KCNG2: variants seen among roughly 807,000 people sequenced by gnomAD.
The protein encoded by KCNG2 is potassium voltage-gated channel modifier subfamily G member 2.
KCNG2 carries 7 observed loss-of-function variants against 12.3 expected under a neutral mutation model. The ratio of observed to expected loss-of-function variants is 0.57; its 90% CI spans 0.32 to 1.07. KCNG2 has a LOEUF of 1.07. Ranked by LOEUF, KCNG2 falls within the 50% of genes least tolerant of loss-of-function variation. KCNG2 has a pLI of 0.04. For synonymous variants in KCNG2, 414 were observed against 351.4 expected (o/e 1.18, Z -1.99); for missense variants, 703 against 726.0 (o/e 0.97, Z 0.36).
chr18:79,860,789 T>A (rs12963180), intron 2 of KCNG2, among the ~76,000 whole-genome samples: 1 of 152,100 alleles, frequency 6.6e-6, no homozygotes, highest in Non-Finnish European at 1.5e-5. Flanking sequence ...CTTTTGAGTG[T>A]GGATGCCTTT....
At chr18:79,838,054 C>T (rs1352835907) in intron 1 of KCNG2, among the ~76,000 whole-genome samples, 8 of 152,068 alleles carry the variant, frequency 5.3e-5, no homozygotes, top group South Asian at 2.1e-4. Context: ...CAGGAGAAAG[C>T]GAGAGTGAGT....
chr18:79,815,988 T>C (rs2087525161), intron 1 of KCNG2: 1 of 152,254 alleles, frequency 6.6e-6, no homozygotes, highest in Non-Finnish European at 1.5e-5. Flanking sequence ...TGGCTGTTTC[T>C]GGTGGTGGGA....
intron 1 of KCNG2, among the ~76,000 whole-genome samples, chr18:79,846,378 A>G (rs894491688): frequency 1.3e-5 from 2 of 150,720 alleles, no homozygotes; most frequent in South Asian, 2.1e-4. Flanking sequence ...CCGTCTCAAA[A>G]AAAAAAAAAA....
In KCNG2 at chr18:79,803,723, C is replaced by T. The variant is rs913381532; in HGVS notation, c.-115+5709C>T. 1.3e-5 allele frequency among the ~76,000 whole-genome samples: 2 copies of T among 152,228 alleles called. No individual in the cohort carries two copies. Among genetic ancestry groups the T allele is most frequent in the African/African-American group, 4.8e-5 (2 of 41,462 alleles). On this transcript the variant is annotated intron_variant, in intron 1 of 3. Coordinates refer to ENST00000316249, the MANE Select transcript of KCNG2 (RefSeq NM_012283.2). The surrounding 1 kb of genome is among the most constrained non-coding windows in gnomAD (Gnocchi z 4.5). ...GAGCCTGCCCTCCTGTCCAGGAGCC[C>T]TCACAGCTCAGCCGGGGCCCTCCTG...
intron 3 of KCNG2, among the ~76,000 whole-genome samples, chr18:79,888,899 G>A (rs539868587): frequency 5.3e-5 from 8 of 151,978 alleles, no homozygotes; most frequent in East Asian, 3.9e-4. Context: ...GGCTGGTCTC[G>A]AACTCCTGAC....
chr18:79,866,402 C>G (rs1190414870), intron 3 of KCNG2, among the ~76,000 whole-genome samples: 1 of 84,180 alleles, frequency 1.2e-5, no homozygotes, highest in Non-Finnish European at 2.3e-5. Flanking sequence ...GGTCTGGGTG[C>G]TGAGGTCTGG....
chr18:79,872,136 A>G (rs1050068751), intron 3 of KCNG2, among the ~76,000 whole-genome samples: 1 of 151,904 alleles, frequency 6.6e-6, no homozygotes, highest in Admixed American at 6.6e-5. Context: ...CAGGGGAGGA[A>G]GATAACAGGC....
At chr18:79,887,655 C>T (rs1980577814) in intron 3 of KCNG2, among the ~76,000 whole-genome samples, 1 of 152,220 alleles carries the variant, frequency 6.6e-6, no homozygotes, top group African/African-American at 2.4e-5. Context: ...GTCCCGAGGG[C>T]TCACAGCCCC....
rs553783666 is a variant in KCNG2 at position 79,885,691 on chromosome 18, C to G, written c.625-13349C>G. ...CCTGGCTTCAGTCCTGGGTGTGCAA[C>G]CCAGTGACCTGCCCAGGGGACATGG... On this transcript the variant is annotated intron_variant, in intron 3 of 3. Coordinates refer to ENST00000316249, the MANE Select transcript of KCNG2 (RefSeq NM_012283.2). 3.2e-4 allele frequency among the ~76,000 whole-genome samples: 49 copies of G among 152,358 alleles called. 1 individual carries two copies. The highest frequency in any genetic ancestry group is 1.6e-3 in the Admixed American group (24 of 15,306).
intron 1 of KCNG2, among the ~76,000 whole-genome samples, chr18:79,842,678 A>G (rs920576589): frequency 2.6e-5 from 4 of 152,380 alleles, no homozygotes; most frequent in Admixed American, 1.3e-4. Flanking sequence ...AAGCATAAAA[A>G]AGACCCAAAC....
At position 79,822,518 on chromosome 18, in the gene KCNG2, C is replaced by T. The variant is rs889456123; in HGVS notation, c.-115+24504C>T. Among the ~76,000 whole-genome samples the T allele has an allele frequency of 1.1e-4, 16 of 152,190 alleles. No individual in the cohort carries two copies. The highest frequency in any genetic ancestry group is 3.9e-4 in the Admixed American group (6 of 15,282). On this transcript the variant is annotated intron_variant, in intron 1 of 3. Coordinates refer to ENST00000316249, the MANE Select transcript of KCNG2 (RefSeq NM_012283.2). This position sits in a 1 kb window ranked among gnomAD's most constrained non-coding sequence, Gnocchi z 4.4. ...GTAGTGTTGCAGTCATGGCTCCCTG[C>T]AGCCTCAGCCTCCAGGGCTCAAGCA... is the stretch of plus-strand genomic sequence containing the variant.
chr18:79,798,465 G>A (rs1025581292), intron 1 of KCNG2, among the ~76,000 whole-genome samples: 3 of 152,154 alleles, frequency 2.0e-5, no homozygotes, highest in African/African-American at 7.2e-5. Context: ...CGGTTCGGTT[G>A]GGGGCGCACC....
At chr18:79,802,355 C>G (rs540769415) in intron 1 of KCNG2, among the ~76,000 whole-genome samples, 2 of 152,346 alleles carry the variant, frequency 1.3e-5, no homozygotes, top group African/African-American at 4.8e-5. Context: ...CCGTGCCGCT[C>G]CGGTCCGGAG....
chr18:79,882,602 G>C (rs901365551), intron 3 of KCNG2, among the ~76,000 whole-genome samples: 49 of 152,402 alleles, frequency 3.2e-4, no homozygotes, highest in Middle Eastern at 3.4e-3. Flanking sequence ...GAAATACAGA[G>C]TTAAGCCACA....
chr18:79,864,274 C>T lies in KCNG2; in HGVS notation c.607C>T (p.Arg203Cys), dbSNP rs953777744. The T allele has an allele frequency of 3.3e-6, 5 of 1,532,456 alleles. No homozygotes were observed. Among genetic ancestry groups the T allele is most frequent in the Non-Finnish European group, 4.4e-6 (5 of 1,144,696 alleles). The allele number at this position is 1,532,456 out of a possible 1,614,324, so 94.9% of individuals were successfully genotyped here. The change falls in exon 3 of 4, where the codon CGC becomes TGC. Residue 203 changes from arginine (R) to cysteine (C), a missense_variant. Arg to Cys is a radical substitution (Grantham distance 180). Coordinates refer to ENST00000316249, the MANE Select transcript of KCNG2 (RefSeq NM_012283.2). The stretch of plus-strand genomic sequence containing the variant: ...CTGCCTGAGCACCATGCCGGACATC[C>T]GCGCCGAGGAGGAGCGGGTGAGCGC... The part of the protein sequence containing the change: ...GLCLSTMPDI[R>C]AEEERGECSP...
intron 1 of KCNG2, among the ~76,000 whole-genome samples, chr18:79,807,643 C>A (rs1328833839): frequency 6.6e-6 from 1 of 152,336 alleles, no homozygotes. Flanking sequence ...CCGCAGCACA[C>A]GCTGAAGAAA....
chr18:79,899,168 C>T lies in KCNG2; in HGVS notation c.753C>T (p.Leu251=), dbSNP rs371569624. The T allele has an allele frequency of 2.5e-6, 4 of 1,606,472 alleles. No homozygotes were observed. The African/African-American group carries it at 5.3e-5, about 21-fold the overall frequency. ...AGTGCGCCTTCCTGCGCGCGCCACT[C>T]AACATCATTGACATCCTGGCGCTCC... The part of the protein sequence containing the change: ...ESKCAFLRAP[L]NIIDILALLP... The change falls in exon 4 of 4, where the codon CTC becomes CTT. Residue 251 remains leucine (L), a synonymous_variant. Transcript: ENST00000316249.
At chr18:79,807,347 G>A (rs1237091271) in intron 1 of KCNG2, among the ~76,000 whole-genome samples, 3 of 152,170 alleles carry the variant, frequency 2.0e-5, no homozygotes, top group South Asian at 2.1e-4. Flanking sequence ...CCTTGCCGAC[G>A]CTCTCTGCAT....
chr18:79,805,641 G>A (rs1194096955), intron 1 of KCNG2, among the ~76,000 whole-genome samples: 3 of 151,918 alleles, frequency 2.0e-5, no homozygotes, highest in African/African-American at 4.8e-5. Context: ...TGTGGTCCTG[G>A]TGGCCATGTA....
Sources: gnomAD v4.1 joint callset for allele counts (sites outside exome capture counted in the v4.1 genomes callset) on GRCh38, gnomAD v4.1.1 for gene constraint, Gnocchi (gnomAD v3.1) non-coding constraint, MANE v1.5 for transcripts, NCBI Gene and HGNC (gene_info 2026-07-23, HGNC 2026-07-21) for gene names.